The following DNAH1 variants were observed in gnomAD, a reference collection of about 807,000 sequenced individuals.
The protein encoded by DNAH1 is axonemal beta dynein heavy chain 1.
A neutral mutation model predicts 484.3 loss-of-function variants in DNAH1; 327 were observed. The observed-to-expected ratio is 0.68, with a 90% CI of 0.62 to 0.74. The LOEUF (loss-of-function observed/expected upper bound fraction) is 0.74, where lower values mean the gene tolerates loss of function less well. Ranked by LOEUF, DNAH1 falls within the 30% of genes least tolerant of loss-of-function variation. DNAH1 has a pLI of 0.00. For synonymous variants in DNAH1, 2,192 were observed against 2,191.9 expected, an observed-to-expected ratio of 1.00 and a Z score of 0.00; for missense variants, 5,052 against 5,546.8, an observed-to-expected ratio of 0.91 and a Z score of 2.83.
intron 1 of DNAH1, among the ~76,000 whole-genome samples, chr3:52,320,468 G>A (rs773876330): frequency 4.6e-5 from 7 of 152,188 alleles, no homozygotes; most frequent in South Asian, 2.1e-4. Context: ...GCCCTCAGGC[G>A]CCCTGACAAC....
chr3:52,394,972 C>G lies in DNAH1; in HGVS notation c.10881C>G (p.Val3627=). The G allele has an allele frequency of 6.2e-7, 1 of 1,612,990 alleles. No homozygotes were observed. The highest frequency in any genetic ancestry group is 8.5e-7 in the Non-Finnish European group (1 of 1,179,452). The change falls in exon 68 of 78, where the codon GTC becomes GTG. Residue 3627 remains valine (V), a synonymous_variant. Coordinates refer to ENST00000420323, the MANE Select transcript of DNAH1 (RefSeq NM_015512.5). The stretch of plus-strand genomic sequence containing the variant: ...TAGACCAGTTCCAGAAGCTGCTAGT[C>G]CTCCGCTGCCTGCGTGGGGACAAGG... ...QYLDQFQKLL[V]LRCLRGDKVT... is the part of the protein sequence containing the mutation.
intron 54 of DNAH1, among the ~76,000 whole-genome samples, chr3:52,385,742 G>A (rs1272213487): frequency 2.0e-5 from 3 of 152,182 alleles, no homozygotes; most frequent in Non-Finnish European, 4.4e-5. Context: ...TGGAGGGCCC[G>A]ATCCTCATGG....
chr3:52,347,633 A>G (rs765889715), intron 11 of DNAH1, among the ~76,000 whole-genome samples, 191 bp from the exon 12 acceptor site: 8 of 152,116 alleles, frequency 5.3e-5, no homozygotes, highest in Non-Finnish European at 1.0e-4. Flanking sequence ...TCACCTGAGG[A>G]GCAGAGGAAC....
Position 52,362,409 on chromosome 3 carries a change from G to T in DNAH1, c.5002G>T (p.Gly1668Cys), listed in dbSNP as rs1391150293. 1 of 1,613,886 alleles carries T rather than the reference G, an allele frequency of 6.2e-7. No homozygotes were observed. Among genetic ancestry groups the T allele is most frequent in the South Asian group, 1.1e-5 (1 of 91,064 alleles). Reference sequence around the variant, plus strand: ...GCAGGTGGAACGCTTCATGTTTGAGGGTGTGGAGATCCCACTGGTGCCATC... The same window carrying T: ...GCAGGTGGAACGCTTCATGTTTGAGTGTGTGGAGATCCCACTGGTGCCATC... ...QQRVERFMFE[G>C]VEIPLVPSCA... The change falls in exon 31 of 78, where the codon GGT becomes TGT. Residue 1668 changes from glycine to cysteine, a missense_variant. Coordinates refer to ENST00000420323, the MANE Select transcript of DNAH1 (RefSeq NM_015512.5). The surrounding 1 kb of genome is among the most constrained non-coding windows in gnomAD (Gnocchi z 5.1).
Position 52,398,068 on chromosome 3 carries a change from G to T in DNAH1, c.11995G>T (p.Val3999Leu). ...EDVTQNILLK[V>L]PEPINLQWVM... is the part of the protein sequence containing the mutation. ...CGTCACCCAAAACATTCTGCTCAAG[G>T]TGCCTGAGCCTATCAACTTGCAATG... Residue 3999 changes from valine (V) to leucine (L), a missense_variant, in exon 75 of 78, where the codon GTG becomes TTG. Physicochemically the swap from Val to Leu is conservative, Grantham distance 32. Coordinates refer to ENST00000420323, the MANE Select transcript of DNAH1 (RefSeq NM_015512.5). The T allele has an allele frequency of 6.2e-7, 1 of 1,613,894 alleles. No individual in the cohort carries two copies. The highest frequency in any genetic ancestry group is 8.5e-7 in the Non-Finnish European group (1 of 1,179,866).
chr3:52,334,626 T>TA (rs1021542977), intron 8 of DNAH1, among the ~76,000 whole-genome samples: 6 of 150,178 alleles, frequency 4.0e-5, no homozygotes, highest in South Asian at 4.2e-4. Context: ...CCATCTCTAC[T>TA]AAAAAAAAAT....
intron 32 of DNAH1, among the ~76,000 whole-genome samples, chr3:52,363,671 C>T (rs369701910): frequency 6.6e-5 from 10 of 152,188 alleles, no homozygotes; most frequent in Non-Finnish European, 1.2e-4. Flanking sequence ...GCAGCAGAGA[C>T]GAGTCCCACC....
chr3:52,358,659 C>G lies in DNAH1; in HGVS notation c.4188C>G (p.Asp1396Glu), dbSNP rs376317081. Residue 1396 changes from aspartate (D) to glutamate (E), a missense_variant, in exon 25 of 78, where the codon GAC becomes GAG. By Grantham distance (45) the Asp-to-Glu change is conservative. This residue lies in a region of DNAH1 where 2,929 missense variants were observed against 3,409.4 expected (regional missense o/e 0.86). Coordinates refer to ENST00000420323, the MANE Select transcript of DNAH1 (RefSeq NM_015512.5). This position sits in a 1 kb window ranked among gnomAD's most constrained non-coding sequence, Gnocchi z 4.2. ...TCTACCCCTCCAGCAACGTGGAGGACTGGCTGCGGGAGGTGGAGCGCAGCA... is the reference window on the plus strand; with the variant it reads ...TCTACCCCTCCAGCAACGTGGAGGAGTGGCTGCGGGAGGTGGAGCGCAGCA... ...FSIYPSSNVE[D>E]WLREVERSMK... is the part of the protein sequence containing the mutation. 4.3e-6 allele frequency: 7 copies of G among 1,613,118 alleles called. No homozygotes were observed. Among genetic ancestry groups the G allele is most frequent in the South Asian group, 1.1e-5 (1 of 91,080 alleles).
At chr3:52,373,831 T>C in intron 44 of DNAH1, 1 of 1,415,862 alleles carries the variant, frequency 7.1e-7, no homozygotes, top group Non-Finnish European at 1.0e-6. Flanking sequence ...ACAGAGCCTG[T>C]TTACCCAGAA....
In DNAH1 at chr3:52,396,656, G is replaced by A. The variant is rs765232427; in HGVS notation, c.11469G>A (p.Leu3823=). Residue 3823 remains leucine, a synonymous_variant, in exon 72 of 78, where the codon TTG becomes TTA. Transcript: ENST00000420323. ...EFKSLLLSLC[L]FHGNALERRK... Reference sequence around the variant, plus strand: ...AGTCTCTGCTGCTGTCTCTGTGCTTGTTCCATGGGAACGCCCTGGAGCGCC... The same window carrying A: ...AGTCTCTGCTGCTGTCTCTGTGCTTATTCCATGGGAACGCCCTGGAGCGCC... 4 of 1,613,486 alleles carry A rather than the reference G, an allele frequency of 2.5e-6. No homozygotes were observed. In the African/African-American group the frequency reaches 4.0e-5, roughly 16 times the overall value.
At position 52,361,772 on chromosome 3, in the gene DNAH1, C is replaced by G. The variant is rs749521389; in HGVS notation, c.4980+6C>G. 6.3e-7 allele frequency: 1 copy of G among 1,594,566 alleles called. No individual in the cohort carries two copies. Among genetic ancestry groups the G allele is most frequent in the Non-Finnish European group, 8.5e-7 (1 of 1,171,230 alleles). On this transcript the variant is annotated splice_donor_region_variant and intron_variant, in intron 30 of 77. Transcript: ENST00000420323. The surrounding 1 kb of genome is among the most constrained non-coding windows in gnomAD (Gnocchi z 5.6). Reference sequence around the variant, plus strand: ...AGAAGGCGCAGCAGCAGCGGGTGAGCCCGGGGGACCCACCTTACTCCCTCA... The same window carrying G: ...AGAAGGCGCAGCAGCAGCGGGTGAGGCCGGGGGACCCACCTTACTCCCTCA...
intron 75 of DNAH1, among the ~76,000 whole-genome samples, 200 bp from the exon 76 acceptor site, chr3:52,398,649 TC>T (rs1377636059): frequency 6.6e-6 from 1 of 151,958 alleles, no homozygotes; most frequent in Non-Finnish European, 1.5e-5. Flanking sequence ...CCCAAAATGT[TC>T]CGTAAGCTAT....
Position 52,345,673 on chromosome 3 carries a change from A to G in DNAH1, c.1623A>G (p.Glu541=), listed in dbSNP as rs749145392. 6.2e-6 allele frequency: 10 copies of G among 1,613,098 alleles called. No individual in the cohort carries two copies. The highest frequency in any genetic ancestry group is 8.5e-6 in the Non-Finnish European group (10 of 1,179,592). Residue 541 remains glutamate (E), a synonymous_variant, in exon 10 of 78, where the codon GAA becomes GAG. Transcript: ENST00000420323. ...SSLSKYSHLE[E]FEQIQSQTFS... is the part of the protein sequence containing the mutation. ...TCTCCAAGTACAGCCACCTGGAGGA[A>G]TTTGAGCAGATCCAGTCACAGACCT...
upstream of DNAH1, among the ~76,000 whole-genome samples, chr3:52,315,280 G>A (rs959068125): frequency 6.6e-6 from 1 of 152,182 alleles, no homozygotes; most frequent in Admixed American, 6.5e-5. Flanking sequence ...GACAGGTGGG[G>A]AGCGGGTAGC....
Position 52,326,002 on chromosome 3 carries a change from T to C in DNAH1, c.407-138T>C, listed in dbSNP as rs540433687. The C allele has an allele frequency of 1.4e-5, 12 of 844,964 alleles. No individual in the cohort carries two copies. The South Asian group carries it at 2.9e-4, about 20-fold the overall frequency. 52.3% of individuals were successfully genotyped at this position (844,964 alleles called of 1,614,324 possible). ...GCCATGCCTGTGTTCTCCCAGCCAC[T>C]GCCCAGCCACAGGCAAGCTTTGAGC... is the stretch of plus-strand genomic sequence containing the variant. On this transcript the variant is annotated intron_variant, in intron 3 of 77. Transcript: ENST00000420323.
chr3:52,366,802 GA>G lies in DNAH1; in HGVS notation c.5681del (p.Glu1894GlyfsTer66). 1 of 1,613,936 alleles carries G rather than the reference GA, an allele frequency of 6.2e-7. No homozygotes were observed. On this transcript the variant is annotated frameshift_variant, in exon 36 of 78. Transcript: ENST00000420323. LOFTEE classifies it high-confidence loss of function. ...GCCATCCATCAGTGGTGGCATGTAC[GA>G]GGCTGTCAACTACTACGTGCTCAAC... ...GQPSISGGMY[E>X]AVNYYVLNPK...
At chr3:52,363,778 C>T (rs977487853) in intron 32 of DNAH1, among the ~76,000 whole-genome samples, 1 of 152,230 alleles carries the variant, frequency 6.6e-6, no homozygotes, top group African/African-American at 2.4e-5. Flanking sequence ...GGGTCACCTG[C>T]TCATCCATGA....
intron 16 of DNAH1, among the ~76,000 whole-genome samples, chr3:52,350,800 T>G (rs1250328207): frequency 6.6e-6 from 1 of 152,202 alleles, no homozygotes; most frequent in African/African-American, 2.4e-5. Context: ...CCTCTTGGCC[T>G]CAGCTGCTCC....
chr3:52,399,252 GGGA>G (rs1263550038), intron 76 of DNAH1, 51 bp downstream of exon 76: 3 of 1,525,790 alleles, frequency 2.0e-6, no homozygotes, highest in Non-Finnish European at 2.7e-6. Flanking sequence ...GTACAGCCCA[GGGA>G]GGAGAGGCTC....
Sources: gnomAD v4.1 joint callset for allele counts (sites outside exome capture counted in the v4.1 genomes callset) on GRCh38, gnomAD v4.1.1 for gene constraint, gnomAD v4.1.1 regional missense constraint, Gnocchi (gnomAD v3.1) non-coding constraint, MANE v1.5 for transcripts, NCBI Gene and HGNC (gene_info 2026-07-23, HGNC 2026-07-21) for gene names.